AEN: variants seen among roughly 807,000 people sequenced by gnomAD.
The protein encoded by AEN is apoptosis enhancing nuclease.
In AEN, 21 loss-of-function variants were observed where a neutral mutation model predicts 17.7. That is an observed-to-expected ratio of 1.19 (90% CI 0.84 to 1.71). The LOEUF is 1.71. AEN is among the 40% of genes most tolerant of loss of function. The probability of loss-of-function intolerance (pLI) is 0.00; values close to 1 mark genes in which losing one functional copy is unlikely to be tolerated. For missense variants in AEN, 462 were observed against 435.9 expected, an observed-to-expected ratio of 1.06 and a Z score of -0.53; for synonymous variants, 190 against 173.0, an observed-to-expected ratio of 1.10 and a Z score of -0.77.
chr15:88,623,574 CTG>C (rs1426580653), intron 1 of AEN, among the ~76,000 whole-genome samples: 1 of 152,202 alleles, frequency 6.6e-6, no homozygotes, highest in African/African-American at 2.4e-5. Flanking sequence ...CTGAGGTAGA[CTG>C]TGTGTACCAA....
intron 1 of AEN, among the ~76,000 whole-genome samples, chr15:88,625,913 C>T (rs1178238878): frequency 6.6e-6 from 1 of 152,232 alleles, no homozygotes; most frequent in Non-Finnish European, 1.5e-5. Flanking sequence ...TTGTTCAGGT[C>T]ATTGAGCAGA....
upstream of AEN, among the ~76,000 whole-genome samples, chr15:88,616,573 C>T (rs111612611): frequency 0.054 from 8,280 of 152,252 alleles, 288 homozygotes; most frequent in Middle Eastern, 0.082. Context: ...GTCAAGATGA[C>T]AGTGTGAGAC....
chr15:88,627,140 A>C (rs1453199136), intron 2 of AEN: 3 of 215,808 alleles, frequency 1.4e-5, no homozygotes, highest in Non-Finnish European at 2.8e-5. Context: ...GTGCTTAGAA[A>C]AAATTAATTA....
chr15:88,622,430 G>A (rs2057799728), intron 1 of AEN, among the ~76,000 whole-genome samples: 1 of 152,220 alleles, frequency 6.6e-6, no homozygotes, highest in Non-Finnish European at 1.5e-5. Flanking sequence ...CAGAGGTAGT[G>A]AAGGAATTGG....
At chr15:88,613,037 A>G in the AEN span, among the ~76,000 whole-genome samples, 7 of 152,186 alleles carry the variant, frequency 4.6e-5, no homozygotes, top group East Asian at 1.2e-3. Flanking sequence ...ATTCCTAAGT[A>G]TATTCCCACC....
the AEN span, among the ~76,000 whole-genome samples, chr15:88,616,156 C>T: frequency 6.6e-6 from 1 of 151,618 alleles, no homozygotes; most frequent in South Asian, 2.1e-4. Context: ...TGCAGTGGCG[C>T]CATCTCGGCT....
the AEN span, among the ~76,000 whole-genome samples, chr15:88,612,229 C>T: frequency 3.9e-5 from 6 of 152,188 alleles, no homozygotes; most frequent in East Asian, 1.9e-4. Flanking sequence ...AATGGAGGCA[C>T]CTTGTGACTC....
upstream of AEN, among the ~76,000 whole-genome samples, chr15:88,618,549 C>T (rs2057757186): frequency 6.6e-6 from 1 of 152,168 alleles, no homozygotes; most frequent in African/African-American, 2.4e-5. Context: ...ATTAAAATGT[C>T]ATGGAAAATA....
chr15:88,605,432 C>T, the AEN span, among the ~76,000 whole-genome samples: 301 of 152,340 alleles, frequency 2.0e-3, 1 homozygote, highest in African/African-American at 6.7e-3. This position sits in a 1 kb window ranked among gnomAD's most constrained non-coding sequence, Gnocchi z 7.6. Context: ...GCGTTCCAAG[C>T]CTCTCCTCTT....
At chr15:88,616,597 T>C (rs2141361812), upstream of AEN, among the ~76,000 whole-genome samples, 1 of 152,330 alleles carries the variant, frequency 6.6e-6, no homozygotes, top group East Asian at 1.9e-4. Context: ...CCTTACTGAA[T>C]ACCTGGGACA....
In AEN at chr15:88,630,968, C is replaced by T. The variant is rs2057920574; in HGVS notation, c.*674C>T. ...GTGGAATAGCAGAGCCCACAGGCTT[C>T]TCGTGGGGAGTTGGCTCCTTAACAT... On this transcript the variant is annotated 3_prime_UTR_variant, in exon 4 of 4. Coordinates refer to ENST00000332810, the MANE Select transcript of AEN (RefSeq NM_022767.4). This position sits in a 1 kb window ranked among gnomAD's most constrained non-coding sequence, Gnocchi z 5.1. The T allele has an allele frequency of 2.7e-6, 1 of 369,836 alleles. No individual in the cohort carries two copies. Among genetic ancestry groups the T allele is most frequent in the Non-Finnish European group, 5.6e-6 (1 of 179,170 alleles). 22.9% of individuals were successfully genotyped at this position (369,836 alleles called of 1,614,324 possible).
chr15:88,622,861 A>G (rs1039839921), intron 1 of AEN, among the ~76,000 whole-genome samples: 1 of 152,240 alleles, frequency 6.6e-6, no homozygotes, highest in Non-Finnish European at 1.5e-5. Context: ...ATACAGAACA[A>G]TATGAGGGGG....
At chr15:88,611,793 G>A in the AEN span, 8 of 469,586 alleles carry the variant, frequency 1.7e-5, no homozygotes, top group Non-Finnish European at 3.0e-5. Flanking sequence ...CGAGGGGAGG[G>A]GGGTGGTCCT....
chr15:88,624,652 G>A (rs187543359), intron 1 of AEN, among the ~76,000 whole-genome samples: 34 of 152,308 alleles, frequency 2.2e-4, no homozygotes, highest in Admixed American at 2.0e-3. Flanking sequence ...CGGAGGCCAA[G>A]GCAGGTGGAT....
rs780258779 is a variant in AEN, at chr15:88,630,317, T to G, written c.*23T>G. The G allele has an allele frequency of 6.4e-7, 1 of 1,554,796 alleles. No homozygotes were observed. Among genetic ancestry groups the G allele is most frequent in the South Asian group, 1.2e-5 (1 of 84,556 alleles). On this transcript the variant is annotated 3_prime_UTR_variant, in exon 4 of 4. Transcript: ENST00000332810. The surrounding 1 kb of genome is among the most constrained non-coding windows in gnomAD (Gnocchi z 5.1). ...TGAGAAGGGGGCGGGGCTCCCTGGC[T>G]GGGCTTCCGGTGTGGCCGGTAGGAA...
the AEN span, among the ~76,000 whole-genome samples, chr15:88,609,138 C>T: frequency 3.3e-5 from 5 of 152,166 alleles, no homozygotes; most frequent in Admixed American, 6.5e-5. Context: ...CTGATCATCA[C>T]GGTGCTATCA....
At chr15:88,606,042 G>T in the AEN span, among the ~76,000 whole-genome samples, 1 of 152,182 alleles carries the variant, frequency 6.6e-6, no homozygotes, top group South Asian at 2.1e-4. Flanking sequence ...CTCTGGCCAC[G>T]ACCAGTGGAA....
At chr15:88,623,213 T>C (rs565246062) in intron 1 of AEN, among the ~76,000 whole-genome samples, 40 of 152,318 alleles carry the variant, frequency 2.6e-4, no homozygotes, top group African/African-American at 8.9e-4. Context: ...AGGAAGTTGG[T>C]TACAGTTAAG....
At chr15:88,608,220 G>T in the AEN span, 1 of 514,122 alleles carries the variant, frequency 1.9e-6, no homozygotes, top group Non-Finnish European at 4.1e-6. Context: ...TACACAGAAG[G>T]ATTGAATCTG....
Sources: gnomAD v4.1 joint callset for allele counts (sites outside exome capture counted in the v4.1 genomes callset) on GRCh38, gnomAD v4.1.1 for gene constraint, Gnocchi (gnomAD v3.1) non-coding constraint, MANE v1.5 for transcripts, NCBI Gene and HGNC (gene_info 2026-07-23, HGNC 2026-07-21) for gene names.